NRXN1: variants seen among roughly 807,000 people sequenced by gnomAD.
NRXN1 encodes neurexin 1.
NRXN1 carries 39 observed loss-of-function variants against 150.9 expected under a neutral mutation model. That is an observed-to-expected ratio of 0.26 (90% CI 0.20 to 0.34). The LOEUF is 0.34. Among genes scored for constraint, NRXN1 ranks in the 10% least tolerant of loss-of-function variants. The probability of loss-of-function intolerance (pLI) is 1.00; values close to 1 mark genes in which losing one functional copy is unlikely to be tolerated. For missense variants in NRXN1, 1,815 were observed against 1,949.9 expected, an observed-to-expected ratio of 0.93 and a Z score of 1.30; for synonymous variants, 924 against 757.0, an observed-to-expected ratio of 1.22 and a Z score of -3.62.
chr2:50,966,522 A>G (rs1694114426), intron 2 of NRXN1, among the ~76,000 whole-genome samples: 1 of 151,542 alleles, frequency 6.6e-6, no homozygotes, highest in Non-Finnish European at 1.5e-5. Context: ...ACAATCTTCA[A>G]CTCTCTTCAG....
chr2:50,849,524 A>G (rs951515852), intron 5 of NRXN1, among the ~76,000 whole-genome samples: 12 of 152,182 alleles, frequency 7.9e-5, no homozygotes, highest in African/African-American at 2.7e-4. Flanking sequence ...AGGATGACCA[A>G]CGTTACCCAA....
At chr2:50,129,168 C>T (rs574178156) in intron 18 of NRXN1, among the ~76,000 whole-genome samples, 2 of 151,734 alleles carry the variant, frequency 1.3e-5, no homozygotes, top group African/African-American at 4.8e-5. Context: ...TATCTGAATA[C>T]ATCAGTTTTA....
chr2:50,281,852 G>C (rs1356309710), intron 17 of NRXN1, among the ~76,000 whole-genome samples: 2 of 152,068 alleles, frequency 1.3e-5, no homozygotes, highest in South Asian at 4.1e-4. Context: ...TAGAAAACTT[G>C]AACTCCTTCC....
rs371743236 is a variant in NRXN1 at position 50,122,334 on chromosome 2, A to T, written c.3547-30840T>A. On this transcript the variant is annotated intron_variant, in intron 18 of 22. Coordinates refer to ENST00000401669, the MANE Select transcript of NRXN1 (RefSeq NM_001330078.2). ...TTCAGTGCTCTTGAAAGCAAAGGCT[A>T]ATTTTTCCAAACAAAAATTTCTCCC... is the stretch of plus-strand genomic sequence containing the variant. Among the ~76,000 whole-genome samples the T allele has an allele frequency of 2.6e-5, 4 of 152,350 alleles. No homozygotes were observed. In the East Asian group the frequency reaches 5.8e-4, roughly 22 times the overall value.
At chr2:51,015,067 T>C (rs923807083) in intron 2 of NRXN1, among the ~76,000 whole-genome samples, 1 of 152,102 alleles carries the variant, frequency 6.6e-6, no homozygotes, top group Non-Finnish European at 1.5e-5. Flanking sequence ...AAGCAATGTA[T>C]GTTCCTGTCC....
chr2:50,040,444 T>A (rs1049573241), intron 21 of NRXN1, among the ~76,000 whole-genome samples: 5 of 151,962 alleles, frequency 3.3e-5, no homozygotes, highest in African/African-American at 1.2e-4. Flanking sequence ...AAGCCTGAGC[T>A]AATCCTCAAT....
chr2:50,387,754 G>A (rs770370517), intron 17 of NRXN1, among the ~76,000 whole-genome samples: 2 of 152,034 alleles, frequency 1.3e-5, no homozygotes, highest in African/African-American at 2.4e-5. Flanking sequence ...AAAAAAAACA[G>A]GTCCTGTTAA....
chr2:50,212,419 G>A (rs1416181270), intron 18 of NRXN1, among the ~76,000 whole-genome samples: 1 of 148,812 alleles, frequency 6.7e-6, no homozygotes, highest in African/African-American at 2.5e-5. Context: ...AAAGGCCTGT[G>A]TGTGACCCTA....
At chr2:50,634,313 G>A (rs1225097058) in intron 5 of NRXN1, among the ~76,000 whole-genome samples, 1 of 152,124 alleles carries the variant, frequency 6.6e-6, no homozygotes, top group Non-Finnish European at 1.5e-5. Context: ...ATAGGAGTAC[G>A]GGCTATGAAA....
chr2:50,481,704 G>A (rs1242636214), intron 15 of NRXN1, among the ~76,000 whole-genome samples: 1 of 135,006 alleles, frequency 7.4e-6, no homozygotes, highest in East Asian at 2.2e-4. Flanking sequence ...AGTTAATATT[G>A]TTATTATCCA....
intron 22 of NRXN1, among the ~76,000 whole-genome samples, chr2:49,935,613 C>A (rs1338864890): frequency 6.6e-6 from 1 of 152,118 alleles, no homozygotes; most frequent in East Asian, 1.9e-4. Context: ...ATTTGCTGCC[C>A]CTTGGAGCAT....
intron 4 of NRXN1, 34 bp from the exon 5 acceptor site, chr2:50,921,914 G>T: frequency 7.3e-7 from 1 of 1,361,236 alleles, no homozygotes; most frequent in Non-Finnish European, 9.8e-7. Context: ...CATGAAGAAA[G>T]GGTTTCCAGA....
intron 2 of NRXN1, among the ~76,000 whole-genome samples, chr2:51,019,652 C>G (rs1669288802): frequency 6.6e-6 from 1 of 152,066 alleles, no homozygotes; most frequent in African/African-American, 2.4e-5. Flanking sequence ...TTACAAAATA[C>G]TCATCATTCA....
At chr2:49,939,306 G>T (rs1012870788) in intron 22 of NRXN1, among the ~76,000 whole-genome samples, 29 of 152,108 alleles carry the variant, frequency 1.9e-4, no homozygotes, top group African/African-American at 6.8e-4. Flanking sequence ...TATCTCTCAT[G>T]TGTCTACGCT....
Position 50,073,124 on chromosome 2 carries a change from C to T in NRXN1, c.3719-18080G>A, listed in dbSNP as rs1696551934. Among the ~76,000 whole-genome samples the T allele has an allele frequency of 2.0e-5, 3 of 152,302 alleles. No individual in the cohort carries two copies. The South Asian group carries it at 6.2e-4, about 32-fold the overall frequency. On this transcript the variant is annotated intron_variant, in intron 19 of 22. Transcript: ENST00000401669. The stretch of plus-strand genomic sequence containing the variant: ...CAATATCAGTGTCCTTCAAATTCCA[C>T]TTCCCGTGTTATAGTAAGCAATGCC...
At chr2:50,187,682 G>T (rs1232041104) in intron 18 of NRXN1, among the ~76,000 whole-genome samples, 1 of 152,042 alleles carries the variant, frequency 6.6e-6, no homozygotes, top group African/African-American at 2.4e-5. Context: ...ATTACCTTGG[G>T]CAGTATGGCC....
chr2:50,053,443 G>C lies in NRXN1; in HGVS notation c.3956C>G (p.Ala1319Gly), dbSNP rs569297111. The C allele has an allele frequency of 2.5e-6, 4 of 1,613,870 alleles. No individual in the cohort carries two copies. In the African/African-American group the frequency reaches 5.3e-5, roughly 22 times the overall value. ...AACCAGTCTCACATTTCCCACTATG[G>C]CGATGTTGGCATCGTTTTCGGCTGC... is the stretch of plus-strand genomic sequence containing the variant. ...NMAAENDANI[A>G]IVGNVRLVGE... The change falls in exon 21 of 23, where the codon GCC becomes GGC. Residue 1319 changes from alanine (A) to glycine (G), a missense_variant. Ala to Gly is a moderately conservative substitution (Grantham distance 60). Coordinates refer to ENST00000401669, the MANE Select transcript of NRXN1 (RefSeq NM_001330078.2).
chr2:50,806,695 C>A (rs760446529), intron 5 of NRXN1, among the ~76,000 whole-genome samples: 13 of 152,040 alleles, frequency 8.6e-5, no homozygotes, highest in Non-Finnish European at 1.8e-4. Flanking sequence ...GTGTTTTTCT[C>A]CTTGTACCTA....
At chr2:50,063,659 T>C (rs553571245) in intron 19 of NRXN1, among the ~76,000 whole-genome samples, 3 of 152,110 alleles carry the variant, frequency 2.0e-5, no homozygotes, top group East Asian at 3.9e-4. Context: ...ATTCCCTGTG[T>C]CCCCTACTGC....
Sources: allele counts gnomAD v4.1 joint callset (sites outside exome capture counted in the v4.1 genomes callset), GRCh38; gene constraint gnomAD v4.1.1; transcripts MANE v1.5; gene names NCBI Gene and HGNC (gene_info 2026-07-23, HGNC 2026-07-21).